Variants in SYNRG observed in about 807,000 individuals in gnomAD.
SYNRG encodes AP1 gamma subunit binding protein 1.
Under a neutral mutation model 130.9 loss-of-function variants are expected in SYNRG, and 37 were observed. That is an observed-to-expected ratio of 0.28 (90% CI 0.22 to 0.37). SYNRG has a LOEUF of 0.37. SYNRG is among the 10% of genes least tolerant of loss of function. The pLI is 1.00. For missense variants in SYNRG, 1,338 were observed against 1,588.9 expected (o/e 0.84, Z 2.68); for synonymous variants, 539 against 568.1 (o/e 0.95, Z 0.73).
intron 3 of SYNRG, 72 bp from the exon 4 acceptor site, chr17:37,586,621 C>A: frequency 6.5e-7 from 1 of 1,545,348 alleles, no homozygotes; most frequent in South Asian, 1.2e-5. Flanking sequence ...AATGTGACTT[C>A]CATAAATTCT....
chr17:37,601,430 T>C (rs2063272688), intron 1 of SYNRG, among the ~76,000 whole-genome samples: 1 of 152,220 alleles, frequency 6.6e-6, no homozygotes, highest in Non-Finnish European at 1.5e-5. Flanking sequence ...GAGGTTTTAT[T>C]GTTATTGTGG....
intron 13 of SYNRG, among the ~76,000 whole-genome samples, chr17:37,555,878 C>T (rs2059082643): frequency 6.6e-6 from 1 of 152,028 alleles, no homozygotes. Flanking sequence ...TGCACTCCAG[C>T]CTGGGGGACA....
intron 3 of SYNRG, among the ~76,000 whole-genome samples, chr17:37,594,651 G>A (rs1045223865): frequency 3.3e-5 from 5 of 152,000 alleles, no homozygotes; most frequent in East Asian, 1.9e-4. Flanking sequence ...TAGTAGAGAC[G>A]AGGTTTCACC....
Position 37,518,583 on chromosome 17 carries a change from C to T in SYNRG, c.*357G>A, listed in dbSNP as rs958364584. ...AAAACAAGCACTGGCTCCAAGCAGT[C>T]GCCCATTCTAGTCCCGCAACGGTAA... On this transcript the variant is annotated 3_prime_UTR_variant, in exon 22 of 22. Transcript: ENST00000612223. 1.4e-5 allele frequency: 3 copies of T among 216,860 alleles called. No individual in the cohort carries two copies. The highest frequency in any genetic ancestry group is 2.3e-5 in the African/African-American group (1 of 43,946). The allele number at this position is 216,860 out of a possible 1,614,324, so 13.4% of individuals were successfully genotyped here.
chr17:37,598,548 T>G (rs1400505341), intron 2 of SYNRG, among the ~76,000 whole-genome samples: 1 of 152,254 alleles, frequency 6.6e-6, no homozygotes, highest in African/African-American at 2.4e-5. Flanking sequence ...CACAAAAGTG[T>G]ACACAGTAAA....
rs1457947576 is a variant in SYNRG, at chr17:37,517,671, G to A, written c.*1269C>T. On this transcript the variant is annotated 3_prime_UTR_variant, in exon 22 of 22. Coordinates refer to ENST00000612223, the MANE Select transcript of SYNRG (RefSeq NM_007247.6). ...TATATAGACAAGACCAACTTTTTCA[G>A]TTTAAAAATAAAAGTCTAGGTCAGA... is the stretch of plus-strand genomic sequence containing the variant. The A allele has an allele frequency of 1.3e-5, 2 of 152,058 alleles. No homozygotes were observed. Among genetic ancestry groups the A allele is most frequent in the African/African-American group, 4.8e-5 (2 of 41,410 alleles). The allele number at this position is 152,058 out of a possible 1,614,324, so 9.4% of individuals were successfully genotyped here. A position where few individuals can be genotyped will look rare whatever the true frequency, so the allele number is the denominator to read the frequency against.
At chr17:37,526,466 T>C (rs117377136) in intron 19 of SYNRG, among the ~76,000 whole-genome samples, 2,303 of 152,362 alleles carry the variant, frequency 0.015, 19 homozygotes, top group Non-Finnish European at 0.023. Context: ...TTGGTTACAA[T>C]GTCTTGTATA....
chr17:37,544,184 C>T (rs184450693), intron 14 of SYNRG, among the ~76,000 whole-genome samples: 149 of 152,208 alleles, frequency 9.8e-4, no homozygotes, highest in African/African-American at 3.5e-3. Flanking sequence ...GTACAAAAAA[C>T]CAACCAGCAA....
rs746271260 is a variant in SYNRG, at chr17:37,571,926, C to G, written c.963G>C (p.Leu321=). ...GCCCAGATGACATCAGAATGGGATA[C>G]AGTTTGGCAGTATCTATTCCAGTTG... is the stretch of plus-strand genomic sequence containing the variant. ...MTPTGIDTAK[L]YPILMSSGLP... The change falls in exon 9 of 22, where the codon CTG becomes CTC. Residue 321 remains leucine, a synonymous_variant. Coordinates refer to ENST00000612223, the MANE Select transcript of SYNRG (RefSeq NM_007247.6). 1.2e-6 allele frequency: 2 copies of G among 1,614,112 alleles called. No individual in the cohort carries two copies. Among genetic ancestry groups the G allele is most frequent in the South Asian group, 1.1e-5 (1 of 91,080 alleles).
rs2054525958 is a variant in SYNRG at position 37,517,609 on chromosome 17, C to T, written c.*1331G>A. ...TAAGATGGAGCAAGACAGAATTTGT[C>T]CTGAGAGGGGAAAATAAATTATGTA... is the stretch of plus-strand genomic sequence containing the variant. On this transcript the variant is annotated 3_prime_UTR_variant, in exon 22 of 22. Transcript: ENST00000612223. The T allele has an allele frequency of 6.6e-6, 1 of 151,924 alleles. No individual in the cohort carries two copies. The allele number at this position is 151,924 out of a possible 1,614,324, so 9.4% of individuals were successfully genotyped here.
chr17:37,573,935 C>A (rs2060625128), intron 8 of SYNRG, among the ~76,000 whole-genome samples: 1 of 152,066 alleles, frequency 6.6e-6, no homozygotes, highest in Non-Finnish European at 1.5e-5. Context: ...CCCAGAATAG[C>A]CAAAGCCATT....
rs1417067767 is a variant in SYNRG, at chr17:37,515,537, CA to C, written c.*3402del. On this transcript the variant is annotated 3_prime_UTR_variant, in exon 22 of 22. Coordinates refer to ENST00000612223, the MANE Select transcript of SYNRG (RefSeq NM_007247.6). Reference sequence around the variant, plus strand: ...GCAGTGGCGCGATCTCGGCTCACTGCAACCTCCGCCTCTCTGGTTCAAGCAA... The same window carrying C: ...GCAGTGGCGCGATCTCGGCTCACTGCACCTCCGCCTCTCTGGTTCAAGCAA... 1 of 152,358 alleles carries C rather than the reference CA, an allele frequency of 6.6e-6. No individual in the cohort carries two copies. Among genetic ancestry groups the C allele is most frequent in the Non-Finnish European group, 1.5e-5 (1 of 68,122 alleles). 9.4% of individuals were successfully genotyped at this position (152,358 alleles called of 1,614,324 possible).
At chr17:37,546,696 GC>G (rs1210641566) in intron 14 of SYNRG, among the ~76,000 whole-genome samples, 2 of 152,174 alleles carry the variant, frequency 1.3e-5, no homozygotes, top group Admixed American at 1.3e-4. Flanking sequence ...TTAAGTATAT[GC>G]CCAGGTGAGG....
In SYNRG at chr17:37,541,130, C is replaced by G. The variant is rs991456689; in HGVS notation, c.3203-587G>C. The G allele has an allele frequency of 2.9e-5, 29 of 985,366 alleles. No individual in the cohort carries two copies. The African/African-American group carries it at 4.7e-4, about 16-fold the overall frequency. The allele number at this position is 985,366 out of a possible 1,614,324, so 61.0% of individuals were successfully genotyped here. On this transcript the variant is annotated intron_variant, in intron 15 of 21. Transcript: ENST00000612223. ...ATGCCCAGTGCAGAATCACTGGAGT[C>G]TGGAGAACAAAAGCACCTTTCTAAA...
At chr17:37,555,360 C>T (rs964234087) in intron 13 of SYNRG, among the ~76,000 whole-genome samples, 4 of 152,196 alleles carry the variant, frequency 2.6e-5, no homozygotes, top group African/African-American at 9.7e-5. Context: ...CTCCTGACCT[C>T]GGCTGATCCA....
intron 19 of SYNRG, among the ~76,000 whole-genome samples, chr17:37,526,822 T>C (rs1324497472): frequency 2.0e-5 from 3 of 152,208 alleles, no homozygotes; most frequent in Non-Finnish European, 4.4e-5. Context: ...TAATCCAGGA[T>C]ACCTTCCCCA....
At position 37,571,796 on chromosome 17, in the gene SYNRG, T is replaced by C; in HGVS notation, c.1093A>G (p.Thr365Ala). ...LYTVLAMIAVTQRGVPAMSPD... is the reference protein window; with the variant it reads ...LYTVLAMIAVAQRGVPAMSPD... ...ACTTAAGAAACATTGTTTACCTGTG[T>C]TACCGCTATCATGGCTAGAACGGTA... Residue 365 changes from threonine to alanine, a missense_variant, in exon 9 of 22, where the codon ACA (threonine) becomes GCA (alanine). Thr to Ala is a moderately conservative substitution (Grantham distance 58, BLOSUM62 0). Coordinates refer to ENST00000612223, the MANE Select transcript of SYNRG (RefSeq NM_007247.6). The C allele has an allele frequency of 6.2e-7, 1 of 1,607,992 alleles. No individual in the cohort carries two copies. Among genetic ancestry groups the C allele is most frequent in the Non-Finnish European group, 8.5e-7 (1 of 1,178,032 alleles).
intron 5 of SYNRG, 116 bp from the exon 6 acceptor site, chr17:37,584,875 T>G (rs2061579465): frequency 1.4e-6 from 1 of 732,438 alleles, no homozygotes; most frequent in Non-Finnish European, 2.2e-6. Context: ...TACCACATAC[T>G]TCTGATAATG....
intron 1 of SYNRG, among the ~76,000 whole-genome samples, chr17:37,604,263 C>A (rs897263244): frequency 7.3e-5 from 11 of 150,834 alleles, no homozygotes; most frequent in Non-Finnish European, 1.2e-4. Flanking sequence ...AAAAGAAAAT[C>A]TATTGTTTAG....
Sources: gnomAD v4.1 joint callset for allele counts (sites outside exome capture counted in the v4.1 genomes callset) on GRCh38, gnomAD v4.1.1 for gene constraint, MANE v1.5 for transcripts, NCBI Gene and HGNC (gene_info 2026-07-23, HGNC 2026-07-21) for gene names.